The following ANXA1 variants were observed in gnomAD, a reference collection of about 807,000 sequenced individuals.
The protein encoded by ANXA1 is annexin I (lipocortin I).
Under a neutral mutation model 47.9 loss-of-function variants are expected in ANXA1, and 39 were observed. The observed-to-expected ratio is 0.81, with a 90% CI of 0.63 to 1.06. The LOEUF is 1.06. Ranked by LOEUF, ANXA1 falls within the 50% of genes least tolerant of loss-of-function variation. ANXA1 has a pLI of 0.00. For missense variants in ANXA1, 446 were observed against 422.7 expected, an observed-to-expected ratio of 1.06 and a Z score of -0.48; for synonymous variants, 146 against 142.5, an observed-to-expected ratio of 1.02 and a Z score of -0.17.
At chr9:73,154,478 C>T in intron 1 of ANXA1, 1 of 755,330 alleles carries the variant, frequency 1.3e-6, no homozygotes, top group Non-Finnish European at 1.9e-6. Flanking sequence ...TTATGTCGCC[C>T]AGGATGGAGT....
intron 11 of ANXA1, 59 bp downstream of exon 11, chr9:73,167,614 A>G: frequency 6.9e-7 from 1 of 1,449,324 alleles, no homozygotes; most frequent in East Asian, 2.3e-5. Flanking sequence ...TAGAAAGAAC[A>G]GAAAACCTCA....
chr9:73,168,493 G>A (rs1321112382), intron 11 of ANXA1: 2 of 152,264 alleles, frequency 1.3e-5, no homozygotes, highest in East Asian at 3.9e-4. Flanking sequence ...ATAAAGCAAG[G>A]GTGGTCCAAG....
chr9:73,167,515 A>C lies in ANXA1; in HGVS notation c.821A>C (p.Lys274Thr), dbSNP rs1824251973. Residue 274 changes from lysine to threonine, a missense_variant, in exon 11 of 13, where the codon AAA becomes ACA. Lys to Thr is a moderately conservative substitution (Grantham distance 78). Coordinates refer to ENST00000257497, the MANE Select transcript of ANXA1 (RefSeq NM_000700.3). The part of the protein sequence containing the change: ...LTAIVKCATS[K>T]PAFFAEKLHQ... ...CTAACAGTGAAGTGCGCCACAAGCA[A>C]ACCAGCTTTCTTTGCAGAGAAGCTT... The C allele has an allele frequency of 6.2e-7, 1 of 1,613,562 alleles. No homozygotes were observed. The highest frequency in any genetic ancestry group is 8.5e-7 in the Non-Finnish European group (1 of 1,179,590).
In ANXA1 at chr9:73,158,750, C is replaced by T. The variant is rs1824090296; in HGVS notation, c.122C>T (p.Thr41Ile). 1.9e-6 allele frequency: 3 copies of T among 1,613,924 alleles called. No homozygotes were observed. Among genetic ancestry groups the T allele is most frequent in the Non-Finnish European group, 2.5e-6 (3 of 1,179,874 alleles). Residue 41 changes from threonine to isoleucine, a missense_variant, in exon 3 of 13, where the codon ACC becomes ATC. Transcript: ENST00000257497. ...GGATCAGCGGTGAGCCCCTATCCTA[C>T]CTTCAATCCATCCTCGGATGTCGCT... ...GPGSAVSPYP[T>I]FNPSSDVAAL... is the part of the protein sequence containing the mutation.
At chr9:73,156,516 A>G (rs1824050986) in intron 1 of ANXA1, among the ~76,000 whole-genome samples, 4 of 152,218 alleles carry the variant, frequency 2.6e-5, no homozygotes. Context: ...AAATGAATGG[A>G]AAAAGTATTG....
chr9:73,167,962 T>C (rs1295046498), intron 11 of ANXA1: 1 of 164,372 alleles, frequency 6.1e-6, no homozygotes, highest in Non-Finnish European at 1.3e-5. Context: ...AGATTAATAG[T>C]TGAAACTTTT....
chr9:73,158,762 C>A lies in ANXA1; in HGVS notation c.134C>A (p.Ser45Tyr). 1 of 1,613,920 alleles carries A rather than the reference C, an allele frequency of 6.2e-7. No individual in the cohort carries two copies. The highest frequency in any genetic ancestry group is 8.5e-7 in the Non-Finnish European group (1 of 1,179,884). Residue 45 changes from serine to tyrosine, a missense_variant, in exon 3 of 13, where the codon TCC becomes TAC. Ser to Tyr is a moderately radical substitution (Grantham distance 144). Coordinates refer to ENST00000257497, the MANE Select transcript of ANXA1 (RefSeq NM_000700.3). ...AGCCCCTATCCTACCTTCAATCCAT[C>A]CTCGGATGTCGCTGCCTTGCATAAG... ...AVSPYPTFNP[S>Y]SDVAALHKAI...
Position 73,158,499 on chromosome 9 carries a change from G to A in ANXA1, c.-14-23G>A, listed in dbSNP as rs185723500. ...TGTGTGGTGCATTTGTTTTGTAAAAGCATCTAACTGTTTTCTTTCCAGACA... is the reference window on the plus strand; with the variant it reads ...TGTGTGGTGCATTTGTTTTGTAAAAACATCTAACTGTTTTCTTTCCAGACA... On this transcript the variant is annotated intron_variant, in intron 1 of 12. Coordinates refer to ENST00000257497, the MANE Select transcript of ANXA1 (RefSeq NM_000700.3). The A allele has an allele frequency of 3.3e-4, 531 of 1,592,338 alleles. 1 individual carries two copies. The African/African-American group carries it at 5.8e-3, about 17-fold the overall frequency.
chr9:73,166,617 T>A (rs1338401890), intron 10 of ANXA1, among the ~76,000 whole-genome samples: 1 of 152,100 alleles, frequency 6.6e-6, no homozygotes, highest in Non-Finnish European at 1.5e-5. Flanking sequence ...TGGGTCCGAG[T>A]TGGCCTCTAA....
In ANXA1 at chr9:73,169,350, G is replaced by A. The variant is rs147019560; in HGVS notation, c.984+196G>A. Among the ~76,000 whole-genome samples, 224 of 152,088 alleles carry A rather than the reference G, an allele frequency of 1.5e-3. 1 individual carries two copies. The highest frequency in any genetic ancestry group is 5.1e-3 in the African/African-American group (212 of 41,500). On this transcript the variant is annotated intron_variant, in intron 12 of 12. Transcript: ENST00000257497. ...AGTGAGTTCTCTACTGAAATACTGGGTACATTTTTCAACTAAAGTCATGGA... is the reference window on the plus strand; with the variant it reads ...AGTGAGTTCTCTACTGAAATACTGGATACATTTTTCAACTAAAGTCATGGA...
intron 8 of ANXA1, among the ~76,000 whole-genome samples, chr9:73,163,993 A>G (rs943453412): frequency 6.6e-6 from 1 of 152,186 alleles, no homozygotes; most frequent in Non-Finnish European, 1.5e-5. Flanking sequence ...AGGATAAATT[A>G]TAATAATATA....
At position 73,153,100 on chromosome 9, in the gene ANXA1, A is replaced by C. The variant is rs964578081; in HGVS notation, c.-15+1176A>C. ...ATAATTCTGAAATGGCCTCTTCCCCAAAAGTGACAGTAACACCCTAGCTCC... is the reference window on the plus strand; with the variant it reads ...ATAATTCTGAAATGGCCTCTTCCCCCAAAGTGACAGTAACACCCTAGCTCC... On this transcript the variant is annotated intron_variant, in intron 1 of 12. Transcript: ENST00000257497. Among the ~76,000 whole-genome samples the C allele has an allele frequency of 2.0e-4, 31 of 152,312 alleles. No individual in the cohort carries two copies. The East Asian group carries it at 4.4e-3, about 22-fold the overall frequency.
intron 1 of ANXA1, among the ~76,000 whole-genome samples, chr9:73,156,398 G>C (rs2795114): frequency 0.34 from 52,243 of 151,914 alleles, 12,451 homozygotes; most frequent in African/African-American, 0.68. Flanking sequence ...GCAATTGCAT[G>C]AAACTAGACT....
chr9:73,165,337 T>C, intron 9 of ANXA1, 128 bp downstream of exon 9: 1 of 622,730 alleles, frequency 1.6e-6, no homozygotes, highest in Middle Eastern at 3.6e-4. Flanking sequence ...AGATACAGTG[T>C]TCCTGACCCA....
rs769406794 is a variant in ANXA1, at chr9:73,170,167, A to AT, written c.*61dup. On this transcript the variant is annotated 3_prime_UTR_variant, in exon 13 of 13. Transcript: ENST00000257497. Reference sequence around the variant, plus strand: ...GACTTTAATTATATATTTTCATCCTATAAGCTTAAATAGGAAAGTTTCTTC... The same window carrying AT: ...GACTTTAATTATATATTTTCATCCTATTAAGCTTAAATAGGAAAGTTTCTTC... The AT allele has an allele frequency of 1.8e-5, 25 of 1,415,130 alleles. No individual in the cohort carries two copies. The highest frequency in any genetic ancestry group is 1.0e-4 in the Admixed American group (5 of 48,218). 87.7% of individuals were successfully genotyped at this position (1,415,130 alleles called of 1,614,324 possible).
chr9:73,153,105 T>C (rs1823996185), intron 1 of ANXA1, among the ~76,000 whole-genome samples: 2 of 152,120 alleles, frequency 1.3e-5, no homozygotes. Context: ...TCCCCAAAAG[T>C]GACAGTAACA....
intron 11 of ANXA1, 183 bp downstream of exon 11, chr9:73,167,738 CT>C (rs1462812552): frequency 3.7e-5 from 21 of 560,464 alleles, no homozygotes; most frequent in Non-Finnish European, 4.9e-5. Flanking sequence ...AGATTCGGTG[CT>C]TTTTTTTACA....
At chr9:73,163,765 C>A (rs993841419) in intron 8 of ANXA1, among the ~76,000 whole-genome samples, 4 of 151,952 alleles carry the variant, frequency 2.6e-5, no homozygotes, top group African/African-American at 9.7e-5. Context: ...TGAAGAAGGA[C>A]AATACAAATT....
chr9:73,163,467 T>C lies in ANXA1; in HGVS notation c.556-9T>C. Reference sequence around the variant, plus strand: ...AGAAGAGCTTACAATAGAATGGGATTTCTTTCAGGGTGACCGATCTGAGGA... The same window carrying C: ...AGAAGAGCTTACAATAGAATGGGATCTCTTTCAGGGTGACCGATCTGAGGA... On this transcript the variant is annotated splice_polypyrimidine_tract_variant and intron_variant, in intron 7 of 12. Coordinates refer to ENST00000257497, the MANE Select transcript of ANXA1 (RefSeq NM_000700.3). 1.2e-6 allele frequency: 2 copies of C among 1,612,408 alleles called. No individual in the cohort carries two copies. Among genetic ancestry groups the C allele is most frequent in the Non-Finnish European group, 1.7e-6 (2 of 1,178,892 alleles).
Sources: allele counts gnomAD v4.1 joint callset (sites outside exome capture counted in the v4.1 genomes callset), GRCh38; gene constraint gnomAD v4.1.1; transcripts MANE v1.5; gene names NCBI Gene and HGNC (gene_info 2026-07-23, HGNC 2026-07-21).